Variants in DYRK1A observed in about 807,000 individuals in gnomAD.
DYRK1A encodes dual specificity tyrosine phosphorylation regulated kinase 1A, also known as dual specificity tyrosine-phosphorylation-regulated kinase 1A.
DYRK1A carries 9 observed loss-of-function variants against 79.7 expected under a neutral mutation model. The ratio of observed to expected loss-of-function variants is 0.11; its 90% CI spans 0.07 to 0.20. The LOEUF (loss-of-function observed/expected upper bound fraction) is 0.20. Ranked by LOEUF, DYRK1A falls within the 10% of genes least tolerant of loss-of-function variation. The pLI is 1.00. For synonymous variants in DYRK1A, 349 were observed against 329.7 expected, an observed-to-expected ratio of 1.06 and a Z score of -0.63; for missense variants, 622 against 956.0, an observed-to-expected ratio of 0.65 and a Z score of 4.61.
chr21:37,453,582 G>C (rs1158480334), intron 2 of DYRK1A, among the ~76,000 whole-genome samples: 1 of 152,194 alleles, frequency 6.6e-6, no homozygotes, highest in Non-Finnish European at 1.5e-5. Context: ...TGGTCCAGGG[G>C]TCTGCAGCCA....
chr21:37,420,327 C>T lies in DYRK1A; in HGVS notation c.-48C>T, dbSNP rs915681267. On this transcript the variant is annotated 5_prime_UTR_variant, in exon 2 of 12. Coordinates refer to ENST00000647188, the MANE Select transcript of DYRK1A (RefSeq NM_001347721.2). ...TATAGTTTTGCCGCTGGACTCTTCC[C>T]TCCCTTCCCCCACCCCATCAGGATG... The T allele has an allele frequency of 1.9e-6, 3 of 1,602,512 alleles. No individual in the cohort carries two copies. Among genetic ancestry groups the T allele is most frequent in the African/African-American group, 1.3e-5 (1 of 74,488 alleles).
chr21:37,465,402 C>T (rs560389816), intron 2 of DYRK1A, among the ~76,000 whole-genome samples: 69 of 152,088 alleles, frequency 4.5e-4, no homozygotes, highest in Non-Finnish European at 8.8e-4. Context: ...GGAAAAAAAA[C>T]CCTCTAGTGT....
Position 37,430,204 on chromosome 21 carries a change from GTA to G in DYRK1A, c.10+9825_10+9826del, listed in dbSNP as rs559496002. 4.1e-4 allele frequency: 310 copies of G among 765,012 alleles called. 2 individuals carry two copies. In the African/African-American group the frequency reaches 5.4e-3, roughly 13 times the overall value. The allele number at this position is 765,012 out of a possible 1,614,324, so 47.4% of individuals were successfully genotyped here. On this transcript the variant is annotated intron_variant, in intron 2 of 11. Transcript: ENST00000647188. ...GTTACCCACCAGTTACTTCCAGCTT[GTA>G]TATAGGTATGTTCACTTACACATCT...
intron 2 of DYRK1A, among the ~76,000 whole-genome samples, chr21:37,463,389 C>T (rs1287612105): frequency 6.6e-6 from 1 of 152,144 alleles, no homozygotes; most frequent in African/African-American, 2.4e-5. Flanking sequence ...TATTTAACAC[C>T]TTCTGTGGAG....
At chr21:37,473,282 T>TA (rs2052289722) in intron 3 of DYRK1A, among the ~76,000 whole-genome samples, 1 of 152,138 alleles carries the variant, frequency 6.6e-6, no homozygotes, top group African/African-American at 2.4e-5. Context: ...TACACATTTG[T>TA]AAAAATAAAT....
intron 2 of DYRK1A, among the ~76,000 whole-genome samples, chr21:37,426,692 C>T (rs773669240): frequency 2.9e-4 from 43 of 150,264 alleles, no homozygotes; most frequent in Non-Finnish European, 4.4e-4. Flanking sequence ...GGGCAGATCA[C>T]GAGGTCAGGA....
At chr21:37,393,897 C>T (rs527316901) in intron 1 of DYRK1A, among the ~76,000 whole-genome samples, 1 of 152,316 alleles carries the variant, frequency 6.6e-6, no homozygotes, top group East Asian at 1.9e-4. Flanking sequence ...GACTGGTTTC[C>T]CCACAAGTGC....
At chr21:37,482,476 T>G (rs2052684180) in intron 5 of DYRK1A, among the ~76,000 whole-genome samples, 1 of 152,052 alleles carries the variant, frequency 6.6e-6, no homozygotes, top group Admixed American at 6.6e-5. Context: ...ACGAATAAGG[T>G]GTGGGTCACA....
chr21:37,488,816 C>A, intron 6 of DYRK1A: 9 of 985,262 alleles, frequency 9.1e-6, no homozygotes, highest in Non-Finnish European at 9.6e-6. Flanking sequence ...TTTAGTGGCA[C>A]CTGCTTAACC....
At chr21:37,379,297 A>G (rs2049610290) in intron 1 of DYRK1A, among the ~76,000 whole-genome samples, 1 of 152,226 alleles carries the variant, frequency 6.6e-6, no homozygotes, top group Non-Finnish European at 1.5e-5. Context: ...CGAAGAGGTG[A>G]AAAGTGGAAG....
intron 1 of DYRK1A, among the ~76,000 whole-genome samples, chr21:37,374,680 G>A (rs1345642756): frequency 6.6e-6 from 1 of 152,058 alleles, no homozygotes; most frequent in Non-Finnish European, 1.5e-5. Flanking sequence ...AGCCTCCCAA[G>A]TAGCTGGGAC....
At position 37,506,493 on chromosome 21, in the gene DYRK1A, G is replaced by A. The variant is rs182023420; in HGVS notation, c.1644+270G>A. On this transcript the variant is annotated intron_variant, in intron 11 of 11. Coordinates refer to ENST00000647188, the MANE Select transcript of DYRK1A (RefSeq NM_001347721.2). ...TGTTTATCTCATTTACCAAAGCAGC[G>A]TTTTGAGCCTCATGCTTTTTTGATT... The A allele has an allele frequency of 3.1e-4, 299 of 974,820 alleles. 2 individuals are homozygous for A. The African/African-American group carries it at 4.2e-3, about 14-fold the overall frequency. 60.4% of individuals were successfully genotyped at this position (974,820 alleles called of 1,614,324 possible).
intron 7 of DYRK1A, among the ~76,000 whole-genome samples, chr21:37,492,766 C>G (rs1269226447): frequency 6.6e-6 from 1 of 151,442 alleles, no homozygotes; most frequent in African/African-American, 2.4e-5. Context: ...ATCATGATGA[C>G]TAGGTAGGAT....
At position 37,464,954 on chromosome 21, in the gene DYRK1A, A is replaced by T. The variant is rs1268759399; in HGVS notation, c.11-7730A>T. 1.3e-5 allele frequency among the ~76,000 whole-genome samples: 2 copies of T among 152,222 alleles called. 1 individual carries two copies. The highest frequency in any genetic ancestry group is 1.3e-4 in the Admixed American group (2 of 15,286). On this transcript the variant is annotated intron_variant, in intron 2 of 11. Transcript: ENST00000647188. The stretch of plus-strand genomic sequence containing the variant: ...AGTTTTGTCCCCTTGGAATCTTATC[A>T]TAGGAAAGGAATGAATGAATGGATA...
chr21:37,431,548 A>C (rs934125987), intron 2 of DYRK1A, among the ~76,000 whole-genome samples: 5 of 152,110 alleles, frequency 3.3e-5, no homozygotes, highest in African/African-American at 1.2e-4. Context: ...CTTGTTCCAC[A>C]TGTTTTACCC....
chr21:37,478,355 A>C (rs2052477409), intron 4 of DYRK1A, 55 bp downstream of exon 4: 2 of 1,549,284 alleles, frequency 1.3e-6, no homozygotes, highest in Non-Finnish European at 1.8e-6. Flanking sequence ...ATTGAGAAAA[A>C]AAGTGTGACC....
chr21:37,512,260 A>G lies in DYRK1A; in HGVS notation c.1994A>G (p.Asn665Ser). ...TCGACATCTTCCTCCTCTACTGGTA[A>G]CCAAGGCAATCAGGCCTACCAGAAT... ...SSSTSSSSTGNQGNQAYQNRP... is the reference protein window; with the variant it reads ...SSSTSSSSTGSQGNQAYQNRP... The change falls in exon 12 of 12, where the codon AAC becomes AGC. Residue 665 changes from asparagine (N) to serine (S), a missense_variant. Physicochemically the swap from Asn to Ser is conservative, Grantham distance 46. This residue lies in a region of DYRK1A where 292 missense variants were observed against 316.7 expected (regional missense o/e 0.92). Transcript: ENST00000647188. 1 of 1,614,178 alleles carries G rather than the reference A, an allele frequency of 6.2e-7. No individual in the cohort carries two copies. The highest frequency in any genetic ancestry group is 8.5e-7 in the Non-Finnish European group (1 of 1,180,026).
Position 37,521,918 on chromosome 21 carries a change from G to C in DYRK1A, c.*9387G>C, listed in dbSNP as rs1170743250. The C allele has an allele frequency of 6.6e-6, 1 of 152,254 alleles. No individual in the cohort carries two copies. The highest frequency in any genetic ancestry group is 1.5e-5 in the Non-Finnish European group (1 of 68,080). The allele number at this position is 152,254 out of a possible 1,614,324, so 9.4% of individuals were successfully genotyped here. ...TGCTAAGGGCTTGTAGGAGAACGTT[G>C]TGGAGATGTCCGGTAGGCATCTGAA... On this transcript the variant is annotated 3_prime_UTR_variant, in exon 12 of 12. Transcript: ENST00000647188.
chr21:37,455,039 C>T (rs9975239), intron 2 of DYRK1A, among the ~76,000 whole-genome samples: 6,068 of 54,768 alleles, frequency 0.11, 170 homozygotes, highest in Middle Eastern at 0.2. Context: ...TTTTTTTTTT[C>T]GTGCCCCAGC....
Sources: allele counts gnomAD v4.1 joint callset (sites outside exome capture counted in the v4.1 genomes callset), GRCh38; gene constraint gnomAD v4.1.1; regional missense constraint gnomAD v4.1.1; transcripts MANE v1.5; gene names NCBI Gene and HGNC (gene_info 2026-07-23, HGNC 2026-07-21).